The following CLCN6 variants were observed in gnomAD, a reference collection of about 807,000 sequenced individuals.
CLCN6 encodes H(+)/Cl(-) exchange transporter 6.
Under a neutral mutation model 109.8 loss-of-function variants are expected in CLCN6, and 70 were observed. The observed-to-expected ratio is 0.64, with a 90% CI of 0.53 to 0.78. The LOEUF (loss-of-function observed/expected upper bound fraction) is 0.78. Ranked by LOEUF, CLCN6 falls within the 30% of genes least tolerant of loss-of-function variation. The probability of loss-of-function intolerance (pLI) is 0.00; values close to 1 mark genes in which losing one functional copy is unlikely to be tolerated. For missense variants in CLCN6, 984 were observed against 1,142.3 expected (o/e 0.86, Z 2.00); for synonymous variants, 444 against 447.8 (o/e 0.99, Z 0.11).
At chr1:11,824,052 T>A (rs1158197681) in intron 7 of CLCN6, among the ~76,000 whole-genome samples, 1 of 152,246 alleles carries the variant, frequency 6.6e-6, no homozygotes, top group East Asian at 1.9e-4. Flanking sequence ...ATTTGGAATT[T>A]AGCTTGTGGA....
At chr1:11,822,354 G>T (rs1644756449) in intron 5 of CLCN6, among the ~76,000 whole-genome samples, 1 of 152,108 alleles carries the variant, frequency 6.6e-6, no homozygotes, top group African/African-American at 2.4e-5. Flanking sequence ...AGCCTCCCAG[G>T]CTCAAGCGAT....
At chr1:11,809,515 C>T (rs757339542) in intron 2 of CLCN6, among the ~76,000 whole-genome samples, 10 of 152,156 alleles carry the variant, frequency 6.6e-5, no homozygotes, top group South Asian at 2.1e-4. Context: ...TGCAGTGGTA[C>T]GGTCTTGGAT....
chr1:11,828,398 T>A, intron 11 of CLCN6, 60 bp from the exon 12 acceptor site: 1 of 1,598,596 alleles, frequency 6.3e-7, no homozygotes, highest in Non-Finnish European at 8.6e-7. Flanking sequence ...CTCTTCTGTC[T>A]CTTCCGGTTC....
intron 3 of CLCN6, 191 bp downstream of exon 3, chr1:11,816,102 G>A: frequency 3.5e-6 from 2 of 576,662 alleles, no homozygotes; most frequent in Admixed American, 3.3e-5. Flanking sequence ...ACAAACTGGA[G>A]GTTGGTGGCA....
At chr1:11,833,477 G>T in intron 13 of CLCN6, 38 bp from the exon 14 acceptor site, 1 of 1,609,372 alleles carries the variant, frequency 6.2e-7, no homozygotes, top group South Asian at 1.1e-5. Context: ...CTCAAAGTCA[G>T]GTGTCCTTGT....
At chr1:11,816,985 A>G (rs1252801229) in intron 4 of CLCN6, among the ~76,000 whole-genome samples, 1 of 152,134 alleles carries the variant, frequency 6.6e-6, no homozygotes, top group Non-Finnish European at 1.5e-5. Context: ...CTTTTATGAT[A>G]TGATTATGGA....
At chr1:11,822,332 C>T (rs1570525921) in intron 5 of CLCN6, among the ~76,000 whole-genome samples, 1 of 152,158 alleles carries the variant, frequency 6.6e-6, no homozygotes. Flanking sequence ...AATGACAGCT[C>T]ACTGCAGCCT....
intron 7 of CLCN6, among the ~76,000 whole-genome samples, 162 bp downstream of exon 7, chr1:11,823,995 G>A (rs1232499202): frequency 2.0e-5 from 3 of 152,226 alleles, no homozygotes; most frequent in Non-Finnish European, 2.9e-5. Context: ...GACACTGTTC[G>A]TATGTTACCA....
intron 18 of CLCN6, among the ~76,000 whole-genome samples, 184 bp from the exon 19 acceptor site, chr1:11,836,815 C>T (rs530848399): frequency 1.3e-5 from 2 of 152,308 alleles, no homozygotes; most frequent in South Asian, 4.1e-4. Context: ...AAGCTGCAGC[C>T]AGGTCCTAGG....
Position 11,838,371 on chromosome 1 carries a change from G to A in CLCN6, c.2332G>A (p.Ala778Thr). 1 of 1,613,552 alleles carries A rather than the reference G, an allele frequency of 6.2e-7. No individual in the cohort carries two copies. The highest frequency in any genetic ancestry group is 8.5e-7 in the Non-Finnish European group (1 of 1,179,908). The change falls in exon 21 of 23, where the codon GCC becomes ACC. Residue 778 changes from alanine (A) to threonine (T), a missense_variant. Coordinates refer to ENST00000346436, the MANE Select transcript of CLCN6 (RefSeq NM_001286.5). ...GCCGCGCCTCTCCTATGCCGAGATG[G>A]CCGAGGACTACCCGCGGTACCCCGA... ...SQPRLSYAEM[A>T]EDYPRYPDIH... is the part of the protein sequence containing the mutation.
intron 4 of CLCN6, 64 bp downstream of exon 4, chr1:11,816,744 C>A: frequency 8.2e-7 from 1 of 1,221,926 alleles, no homozygotes; most frequent in South Asian, 1.4e-5. Flanking sequence ...AGGGAAAGCC[C>A]TGGCCTGGTG....
intron 2 of CLCN6, among the ~76,000 whole-genome samples, chr1:11,813,374 T>C (rs532491324): frequency 5.3e-5 from 8 of 152,294 alleles, no homozygotes; most frequent in Non-Finnish European, 1.0e-4. Context: ...TGTGTTTCTT[T>C]TCTGATCAGT....
chr1:11,836,885 T>A, intron 18 of CLCN6, 114 bp from the exon 19 acceptor site: 1 of 1,235,474 alleles, frequency 8.1e-7, no homozygotes, highest in Non-Finnish European at 1.1e-6. Flanking sequence ...CCCCATTAAG[T>A]TCCTGCGTCC....
chr1:11,823,801 A>G lies in CLCN6; in HGVS notation c.548A>G (p.Lys183Arg), dbSNP rs781688967. The change falls in exon 7 of 23, where the codon AAG becomes AGG. Residue 183 changes from lysine (K) to arginine (R), a missense_variant. Coordinates refer to ENST00000346436, the MANE Select transcript of CLCN6 (RefSeq NM_001286.5). ...GTCCGTCTCCGGACCCTGCTCTGCA[A>G]GGTCCTTGGAGTGCTGTTCAGTGTG... ...GIVRLRTLLC[K>R]VLGVLFSVAG... The G allele has an allele frequency of 3.1e-6, 5 of 1,614,140 alleles. No homozygotes were observed. The highest frequency in any genetic ancestry group is 3.3e-5 in the Admixed American group (2 of 60,016).
At chr1:11,824,063 A>G (rs1054737486) in intron 7 of CLCN6, among the ~76,000 whole-genome samples, 4 of 152,276 alleles carry the variant, frequency 2.6e-5, no homozygotes, top group Non-Finnish European at 5.9e-5. Flanking sequence ...AGCTTGTGGA[A>G]TTAGCTTTTG....
In CLCN6 at chr1:11,823,733, C is replaced by T. The variant is rs375370063; in HGVS notation, c.480C>T (p.Pro160=). 3.0e-5 allele frequency: 49 copies of T among 1,614,116 alleles called. No individual in the cohort carries two copies. The highest frequency in any genetic ancestry group is 2.7e-4 in the Admixed American group (16 of 60,014). The change falls in exon 7 of 23, where the codon CCC becomes CCT. Residue 160 remains proline (P), a synonymous_variant. Coordinates refer to ENST00000346436, the MANE Select transcript of CLCN6 (RefSeq NM_001286.5). ...IEPVAAGSGI[P]EVKCYLNGVK... ...CGGTGGCAGCAGGTTCCGGGATACC[C>T]GAGGTCAAATGCTATCTGAATGGCG...
chr1:11,815,733 A>G (rs1644661056), intron 2 of CLCN6, 113 bp from the exon 3 acceptor site: 5 of 765,332 alleles, frequency 6.5e-6, no homozygotes, highest in South Asian at 4.9e-5. Flanking sequence ...TGGGTGCTGC[A>G]GGTACCACTG....
At chr1:11,809,750 G>C (rs1490152376) in intron 2 of CLCN6, among the ~76,000 whole-genome samples, 1 of 152,172 alleles carries the variant, frequency 6.6e-6, no homozygotes, top group African/African-American at 2.4e-5. Flanking sequence ...GAGCCACCAC[G>C]CGTGGCCATA....
At position 11,828,525 on chromosome 1, in the gene CLCN6, G is replaced by C. The variant is rs753531613; in HGVS notation, c.1022G>C (p.Gly341Ala). The change falls in exon 12 of 23, where the codon GGG (glycine) becomes GCG (alanine). Residue 341 changes from glycine (G) to alanine (A), a missense_variant. Transcript: ENST00000346436. ...GATTTGGGTTTCTTCGTCGTGATGG[G>C]GGTCATTGGGGGCCTCCTGGGAGCC... ...AMDLGFFVVM[G>A]VIGGLLGATF... 6.2e-7 allele frequency: 1 copy of C among 1,614,140 alleles called. No homozygotes were observed. Among genetic ancestry groups the C allele is most frequent in the South Asian group, 1.1e-5 (1 of 91,088 alleles).
Sources: allele counts gnomAD v4.1 joint callset (sites outside exome capture counted in the v4.1 genomes callset), GRCh38; gene constraint gnomAD v4.1.1; transcripts MANE v1.5; gene names NCBI Gene and HGNC (gene_info 2026-07-23, HGNC 2026-07-21).